DDX60: variants seen among roughly 807,000 people sequenced by gnomAD.
The protein encoded by DDX60 is probable ATP-dependent RNA helicase DDX60.
In DDX60, 165 loss-of-function variants were observed where a neutral mutation model predicts 212.8. The observed-to-expected ratio is 0.78, with a 90% CI of 0.68 to 0.88. The LOEUF is 0.88. Ranked by LOEUF, DDX60 falls within the 40% of genes least tolerant of loss-of-function variation. The pLI, the probability that DDX60 is intolerant of heterozygous loss-of-function variation, is 0.00. For synonymous variants in DDX60, 703 were observed against 685.3 expected, an observed-to-expected ratio of 1.03 and a Z score of -0.40; for missense variants, 1,905 against 2,003.9, an observed-to-expected ratio of 0.95 and a Z score of 0.94.
chr4:168,304,028 GT>G (rs1736767857), intron 5 of DDX60, among the ~76,000 whole-genome samples: 1 of 152,134 alleles, frequency 6.6e-6, no homozygotes, highest in South Asian at 2.1e-4. Context: ...ATTATGTACA[GT>G]ATATAATACT....
intron 37 of DDX60, among the ~76,000 whole-genome samples, chr4:168,218,748 A>G (rs1300036450): frequency 1.3e-5 from 2 of 152,138 alleles, no homozygotes; most frequent in Non-Finnish European, 2.9e-5. Context: ...GTGAGCTTGG[A>G]GTCTATCCCT....
chr4:168,285,525 A>T, intron 10 of DDX60, 27 bp from the exon 11 acceptor site: 1 of 1,433,694 alleles, frequency 7.0e-7, no homozygotes, highest in Non-Finnish European at 9.7e-7. Flanking sequence ...AAAAATTGAG[A>T]CAAGGTCAAA....
intron 19 of DDX60, among the ~76,000 whole-genome samples, chr4:168,270,679 T>C (rs1189701423): frequency 1.3e-5 from 2 of 152,142 alleles, no homozygotes; most frequent in Non-Finnish European, 2.9e-5. Context: ...AAAATAAATA[T>C]AATAAATCAG....
rs1732868820 is a variant in DDX60, at chr4:168,216,981, G to A, written c.5091C>T (p.Ala1697=). Residue 1697 remains alanine, a synonymous_variant, in exon 38 of 38, where the codon GCC becomes GCT. Coordinates refer to ENST00000393743, the MANE Select transcript of DDX60 (RefSeq NM_017631.6). ...CENEDDNVVL[A]FEQLSTTFWE... ...AAAAAGTTGTACTCAGTTGTTCAAA[G>A]GCTAAGACAACGTTGTCGTCTTCAT... 1 of 1,605,872 alleles carries A rather than the reference G, an allele frequency of 6.2e-7. No individual in the cohort carries two copies. Among genetic ancestry groups the A allele is most frequent in the African/African-American group, 1.3e-5 (1 of 74,424 alleles).
chr4:168,253,485 T>C (rs1734295185), intron 26 of DDX60, among the ~76,000 whole-genome samples: 1 of 152,098 alleles, frequency 6.6e-6, no homozygotes, highest in Non-Finnish European at 1.5e-5. Context: ...CAGAGGCCTC[T>C]TGGAGATGCC....
At chr4:168,294,516 T>G (rs1223833575) in intron 6 of DDX60, among the ~76,000 whole-genome samples, 1 of 142,962 alleles carries the variant, frequency 7.0e-6, no homozygotes, top group African/African-American at 2.6e-5. Flanking sequence ...ATTTATTTAT[T>G]TAGAGACAGG....
chr4:168,285,386 C>T lies in DDX60; in HGVS notation c.1445+7G>A, dbSNP rs1363607563. 6.3e-7 allele frequency: 1 copy of T among 1,580,744 alleles called. No homozygotes were observed. The highest frequency in any genetic ancestry group is 1.7e-5 in the Admixed American group (1 of 59,076). ...TATTTATTGAGGCACAGTTTTTGGC[C>T]TTATACCTCTTTAGAAAAGGCAAAT... On this transcript the variant is annotated splice_region_variant and intron_variant, in intron 11 of 37. Coordinates refer to ENST00000393743, the MANE Select transcript of DDX60 (RefSeq NM_017631.6).
chr4:168,257,800 T>C (rs1734473404), intron 25 of DDX60, among the ~76,000 whole-genome samples: 1 of 152,192 alleles, frequency 6.6e-6, no homozygotes, highest in Non-Finnish European at 1.5e-5. Flanking sequence ...GATGCACAGC[T>C]ATGGCAAGCC....
chr4:168,293,283 G>C (rs560480447), intron 7 of DDX60, among the ~76,000 whole-genome samples: 1 of 152,162 alleles, frequency 6.6e-6, no homozygotes, highest in African/African-American at 2.4e-5. Context: ...CAGCAGGAAG[G>C]TTCTTTCAAA....
chr4:168,311,270 G>C lies in DDX60; in HGVS notation c.-11C>G. 6.2e-7 allele frequency: 1 copy of C among 1,612,472 alleles called. No homozygotes were observed. ...TGGAAAATTACCCATTCTTGCTGCT[G>C]CCTGTGCCTCCAACCTGAACTGGCA... On this transcript the variant is annotated 5_prime_UTR_variant, in exon 2 of 38. Coordinates refer to ENST00000393743, the MANE Select transcript of DDX60 (RefSeq NM_017631.6).
At chr4:168,253,964 GTA>G (rs1244808133) in intron 26 of DDX60, among the ~76,000 whole-genome samples, 2 of 152,164 alleles carry the variant, frequency 1.3e-5, no homozygotes, top group African/African-American at 4.8e-5. Flanking sequence ...GTGCTCACTT[GTA>G]TGTCATCATT....
chr4:168,317,940 T>C (rs59144868), intron 1 of DDX60, among the ~76,000 whole-genome samples: 12,147 of 152,134 alleles, frequency 0.08, 1,540 homozygotes, highest in African/African-American at 0.27. Flanking sequence ...GCATCCATGG[T>C]GTCCCATGAG....
rs200775584 is a variant in DDX60, at chr4:168,285,442, C to G, written c.1396G>C (p.Val466Leu). 10 of 1,611,502 alleles carry G rather than the reference C, an allele frequency of 6.2e-6. No homozygotes were observed. The highest frequency in any genetic ancestry group is 1.7e-4 in the Middle Eastern group (1 of 6,048). Reference sequence around the variant, plus strand: ...AAAATATCTCCAGCAAATTTATCAACCACAAAAGATGACGTTGGAATAAAA... The same window carrying G: ...AAAATATCTCCAGCAAATTTATCAAGCACAAAAGATGACGTTGGAATAAAA... ...LGFIPTSSFVVDKFAGDILKD... is the reference protein window; with the variant it reads ...LGFIPTSSFVLDKFAGDILKD... Residue 466 changes from valine (V) to leucine (L), a missense_variant, in exon 11 of 38, where the codon GTT (valine) becomes CTT (leucine). Transcript: ENST00000393743.
At chr4:168,226,693 T>C (rs766629685) in intron 33 of DDX60, among the ~76,000 whole-genome samples, 10 of 152,206 alleles carry the variant, frequency 6.6e-5, no homozygotes, top group South Asian at 2.1e-4. Context: ...CTTTTAGTTA[T>C]TCAGCCATAA....
Position 168,237,316 on chromosome 4 carries a change from A to G in DDX60, c.4381T>C (p.Phe1461Leu), listed in dbSNP as rs777691714. 19 of 1,584,788 alleles carry G rather than the reference A, an allele frequency of 1.2e-5. No individual in the cohort carries two copies. In the South Asian group the frequency reaches 2.1e-4, roughly 18 times the overall value. The change falls in exon 32 of 38, where the codon TTC (phenylalanine) becomes CTC (leucine). Residue 1461 changes from phenylalanine to leucine, a missense_variant. Coordinates refer to ENST00000393743, the MANE Select transcript of DDX60 (RefSeq NM_017631.6). ...CTGGTTGGCTGACAGAGATCATGGAAGAGTCCATTTACAAGAAAACTGACA... is the reference window on the plus strand; with the variant it reads ...CTGGTTGGCTGACAGAGATCATGGAGGAGTCCATTTACAAGAAAACTGACA... ...VFVSFLVNGL[F>L]HDLCQPTRKG... is the part of the protein sequence containing the mutation.
intron 30 of DDX60, among the ~76,000 whole-genome samples, chr4:168,244,464 C>T (rs993748439): frequency 4.6e-5 from 7 of 152,094 alleles, no homozygotes; most frequent in East Asian, 1.9e-4. Flanking sequence ...CAGTGGCTCA[C>T]GCCTGTAATC....
rs569023419 is a variant in DDX60, at chr4:168,241,592, G to A, written c.4165-3797C>T. ...TTTGCCTCTGCCTGAGAGATTTATG[G>A]AACTTCGAACTTGAGAGAGATGATT... On this transcript the variant is annotated intron_variant, in intron 30 of 37. Coordinates refer to ENST00000393743, the MANE Select transcript of DDX60 (RefSeq NM_017631.6). Among the ~76,000 whole-genome samples, 52 of 152,252 alleles carry A rather than the reference G, an allele frequency of 3.4e-4. 1 individual carries two copies. The South Asian group carries it at 7.5e-3, about 22-fold the overall frequency.
rs532336902 is a variant in DDX60 at position 168,286,368 on chromosome 4, CTT to C, written c.1339+678_1339+679del. Among the ~76,000 whole-genome samples the C allele has an allele frequency of 4.4e-3, 575 of 132,026 alleles. 2 individuals carry two copies. The highest frequency in any genetic ancestry group is 0.016 in the African/African-American group (518 of 32,692). The allele number at this position is 132,026 out of a possible 152,430, so 86.6% of individuals were successfully genotyped here. A position where few individuals can be genotyped will look rare whatever the true frequency, so the allele number is the denominator to read the frequency against. ...TTATTTGATATGATTACAGTATTCT[CTT>C]GAGTCCTCCTTGATTTTATACACAC... On this transcript the variant is annotated intron_variant, in intron 10 of 37. Coordinates refer to ENST00000393743, the MANE Select transcript of DDX60 (RefSeq NM_017631.6).
intron 28 of DDX60, 109 bp downstream of exon 28, chr4:168,250,845 A>T: frequency 1.0e-6 from 1 of 954,552 alleles, no homozygotes; most frequent in Non-Finnish European, 1.5e-6. Flanking sequence ...TTTAAAAGAC[A>T]ATTACATGAG....
Sources: gnomAD v4.1 joint callset for allele counts (sites outside exome capture counted in the v4.1 genomes callset) on GRCh38, gnomAD v4.1.1 for gene constraint, MANE v1.5 for transcripts, NCBI Gene and HGNC (gene_info 2026-07-23, HGNC 2026-07-21) for gene names.